Variants in GRHL2 observed in about 807,000 individuals in gnomAD.
GRHL2 encodes the protein grainyhead-like protein 2 homolog.
A neutral mutation model predicts 83.8 loss-of-function variants in GRHL2; 21 were observed. The observed-to-expected ratio is 0.25, with a 90% CI of 0.18 to 0.36. The LOEUF (loss-of-function observed/expected upper bound fraction) is 0.36. Ranked by LOEUF, GRHL2 falls within the 10% of genes least tolerant of loss-of-function variation. GRHL2 has a pLI of 1.00. For missense variants in GRHL2, 623 were observed against 781.8 expected (o/e 0.80, Z 2.42); for synonymous variants, 280 against 278.9 (o/e 1.00, Z -0.04).
At chr8:101,638,917 C>A (rs546578801) in intron 12 of GRHL2, among the ~76,000 whole-genome samples, 1 of 152,332 alleles carries the variant, frequency 6.6e-6, no homozygotes, top group East Asian at 1.9e-4. Flanking sequence ...CAGTGTGAAG[C>A]CTTGGGCCAG....
chr8:101,591,815 G>C (rs1421692780), intron 7 of GRHL2, among the ~76,000 whole-genome samples: 1 of 152,188 alleles, frequency 6.6e-6, no homozygotes, highest in Non-Finnish European at 1.5e-5. Context: ...GTTTGTGGCA[G>C]TTATTATCCT....
chr8:101,610,299 A>C (rs1190161112), intron 8 of GRHL2, among the ~76,000 whole-genome samples: 1 of 151,016 alleles, frequency 6.6e-6, no homozygotes, highest in African/African-American at 2.5e-5. Context: ...CTACCTTTGG[A>C]TCATTTGAAG....
At chr8:101,542,426 G>C (rs34216075) in intron 1 of GRHL2, among the ~76,000 whole-genome samples, 66,629 of 151,776 alleles carry the variant, frequency 0.44, 16,520 homozygotes, top group Non-Finnish European at 0.55. Flanking sequence ...AAGGTGGCAG[G>C]TGCCTGTAAT....
intron 9 of GRHL2, among the ~76,000 whole-genome samples, chr8:101,626,862 G>A (rs971632391): frequency 1.3e-5 from 2 of 152,062 alleles, no homozygotes; most frequent in Non-Finnish European, 2.9e-5. Flanking sequence ...CTTGCTCAAG[G>A]AATGTTTTCT....
At chr8:101,598,915 G>C (rs2130310902) in intron 7 of GRHL2, 142 bp from the exon 8 acceptor site, 2 of 668,414 alleles carry the variant, frequency 3.0e-6, no homozygotes, top group Admixed American at 2.2e-5. Context: ...ACATCAGTGA[G>C]CACCAGTCCT....
intron 14 of GRHL2, among the ~76,000 whole-genome samples, chr8:101,653,673 C>T (rs1022924822): frequency 4.0e-4 from 60 of 151,504 alleles, no homozygotes; most frequent in African/African-American, 1.4e-3. Flanking sequence ...ACACAGGAGG[C>T]GGAGTTCGCA....
intron 7 of GRHL2, among the ~76,000 whole-genome samples, chr8:101,584,521 G>C (rs549804095): frequency 2.0e-5 from 3 of 152,110 alleles, no homozygotes; most frequent in Non-Finnish European, 2.9e-5. Context: ...AGGTCTAGAA[G>C]CTCTTTTTAA....
chr8:101,562,466 A>T, intron 4 of GRHL2: 1 of 373,784 alleles, frequency 2.7e-6, no homozygotes, highest in Non-Finnish European at 4.9e-6. Context: ...CCCTGAACAA[A>T]TATAACACTT....
At chr8:101,680,746 C>G in the GRHL2 span, among the ~76,000 whole-genome samples, 1 of 129,180 alleles carries the variant, frequency 7.7e-6, no homozygotes, top group Non-Finnish European at 1.6e-5. Flanking sequence ...ACAGTGCAAT[C>G]AAACTAGAAC....
rs533199539 is a variant in GRHL2 at position 101,563,612 on chromosome 8, C to T, written c.678+4800C>T. On this transcript the variant is annotated intron_variant, in intron 4 of 15. Coordinates refer to ENST00000646743, the MANE Select transcript of GRHL2 (RefSeq NM_024915.4). ...TATTTCTTGGGTTCTGGTAGCTTTACAATCAAACTTTCAATGCTCTTGAAA... is the reference window on the plus strand; with the variant it reads ...TATTTCTTGGGTTCTGGTAGCTTTATAATCAAACTTTCAATGCTCTTGAAA... Among the ~76,000 whole-genome samples, 17 of 152,262 alleles carry T rather than the reference C, an allele frequency of 1.1e-4. No individual in the cohort carries two copies. In the East Asian group the frequency reaches 3.3e-3, roughly 29 times the overall value.
At chr8:101,666,006 C>A (rs1814045696) in intron 15 of GRHL2, among the ~76,000 whole-genome samples, 2 of 152,162 alleles carry the variant, frequency 1.3e-5, no homozygotes, top group South Asian at 4.1e-4. Flanking sequence ...TCAAGCTCAG[C>A]CATGTGCTAA....
At chr8:101,679,692 T>A in the GRHL2 span, among the ~76,000 whole-genome samples, 1 of 151,360 alleles carries the variant, frequency 6.6e-6, no homozygotes, top group African/African-American at 2.4e-5. Context: ...CAGGTTACCC[T>A]CAAAGGGAAG....
intron 8 of GRHL2, among the ~76,000 whole-genome samples, chr8:101,600,283 C>T (rs990867073): frequency 3.3e-5 from 5 of 152,206 alleles, no homozygotes; most frequent in African/African-American, 1.2e-4. Flanking sequence ...CAGGCCTTGC[C>T]ATGGGGTGTG....
chr8:101,518,918 T>TTCAC (rs1292566243), intron 1 of GRHL2, among the ~76,000 whole-genome samples: 1 of 152,222 alleles, frequency 6.6e-6, no homozygotes, highest in African/African-American at 2.4e-5. Flanking sequence ...GTGCTGCTGT[T>TTCAC]TGTGAGGCAC....
chr8:101,621,447 ATAGAT>A (rs1563612080), intron 9 of GRHL2, among the ~76,000 whole-genome samples: 3 of 152,330 alleles, frequency 2.0e-5, no homozygotes, highest in South Asian at 4.1e-4. Flanking sequence ...AAAGATTAAA[ATAGAT>A]TAGAATTAAA....
chr8:101,509,142 C>CTTTTCTTT lies in GRHL2; in HGVS notation c.20+16355_20+16356insTTCTTTTT, dbSNP rs879892859. ...CCTTCCTTCCTTCCTTCCTTCCTTC[C>CTTTTCTTT]TTCCTTCCTTCCTTCCTTTCTTTCT... On this transcript the variant is annotated intron_variant, in intron 1 of 15. Coordinates refer to ENST00000646743, the MANE Select transcript of GRHL2 (RefSeq NM_024915.4). 6.4e-4 allele frequency among the ~76,000 whole-genome samples: 47 copies of CTTTTCTTT among 73,172 alleles called. 1 individual carries two copies. The highest frequency in any genetic ancestry group is 8.7e-4 in the African/African-American group (22 of 25,214). 48.0% of individuals were successfully genotyped at this position (73,172 alleles called of 152,430 possible). A position where few individuals can be genotyped will look rare whatever the true frequency, so the allele number is the denominator to read the frequency against.
In GRHL2 at chr8:101,492,718, TCAC is replaced by T. The variant is rs1809989264; in HGVS notation, c.-49_-47del. On this transcript the variant is annotated 5_prime_UTR_variant, in exon 1 of 16. Coordinates refer to ENST00000646743, the MANE Select transcript of GRHL2 (RefSeq NM_024915.4). ...CCTGCACAGACTTGAAAGTCCAGTT[TCAC>T]CAGAGGCTGAGGCTCCAGGAAAAGC... The T allele has an allele frequency of 6.4e-7, 1 of 1,563,482 alleles. No individual in the cohort carries two copies. The highest frequency in any genetic ancestry group is 1.4e-5 in the African/African-American group (1 of 73,848).
rs961739132 is a variant in GRHL2 at position 101,496,303 on chromosome 8, A to G, written c.20+3514A>G. Among the ~76,000 whole-genome samples, 3 of 152,320 alleles carry G rather than the reference A, an allele frequency of 2.0e-5. No individual in the cohort carries two copies. The South Asian group carries it at 6.2e-4, about 32-fold the overall frequency. ...GAAGTTATAGGTCTCTCATGTGGATAACATTTCAAGTAATGGGATGACTCT... is the reference window on the plus strand; with the variant it reads ...GAAGTTATAGGTCTCTCATGTGGATGACATTTCAAGTAATGGGATGACTCT... On this transcript the variant is annotated intron_variant, in intron 1 of 15. Transcript: ENST00000646743.
At chr8:101,654,769 A>C (rs999629442) in intron 14 of GRHL2, among the ~76,000 whole-genome samples, 2 of 152,154 alleles carry the variant, frequency 1.3e-5, no homozygotes, top group Non-Finnish European at 2.9e-5. Context: ...GGTTTCCTGG[A>C]GTCTGTAATT....
Sources: allele counts gnomAD v4.1 joint callset (sites outside exome capture counted in the v4.1 genomes callset), GRCh38; gene constraint gnomAD v4.1.1; transcripts MANE v1.5; gene names NCBI Gene and HGNC (gene_info 2026-07-23, HGNC 2026-07-21).